CACNA1C: variants seen among roughly 807,000 people sequenced by gnomAD.
The protein encoded by CACNA1C is voltage-dependent L-type calcium channel subunit alpha-1C.
CACNA1C carries 30 observed loss-of-function variants against 229.0 expected under a neutral mutation model. That is an observed-to-expected ratio of 0.13 (90% CI 0.10 to 0.18). The LOEUF (loss-of-function observed/expected upper bound fraction) is 0.18, where lower values mean the gene tolerates loss of function less well. CACNA1C is among the 10% of genes least tolerant of loss of function. CACNA1C has a pLI of 1.00. For missense variants in CACNA1C, 1,658 were observed against 2,845.0 expected, an observed-to-expected ratio of 0.58 and a Z score of 9.49; for synonymous variants, 1,114 against 1,132.5, an observed-to-expected ratio of 0.98 and a Z score of 0.33.
chr12:2,206,232 G>A (rs1243613522), intron 3 of CACNA1C, among the ~76,000 whole-genome samples: 2 of 152,166 alleles, frequency 1.3e-5, no homozygotes, highest in African/African-American at 4.8e-5. Flanking sequence ...GCCCTTGGAA[G>A]GAGATCCAGA....
chr12:2,335,693 C>T (rs1256247993), intron 3 of CACNA1C, among the ~76,000 whole-genome samples: 2 of 152,204 alleles, frequency 1.3e-5, no homozygotes, highest in African/African-American at 2.4e-5. Context: ...TGCTTCCTCC[C>T]TGCACATCTG....
intron 39 of CACNA1C, chr12:2,676,222 G>A (rs1480837377): frequency 6.6e-6 from 1 of 152,228 alleles, no homozygotes; most frequent in Non-Finnish European, 1.5e-5. Flanking sequence ...CTGGACAGGG[G>A]ACCCTGGGTT....
intron 3 of CACNA1C, among the ~76,000 whole-genome samples, chr12:2,297,190 G>A (rs1566931664): frequency 6.6e-6 from 1 of 152,208 alleles, no homozygotes; most frequent in Non-Finnish European, 1.5e-5. Context: ...CCACATTCCT[G>A]GTGTCATCAA....
chr12:2,198,703 G>C (rs79311680), intron 3 of CACNA1C, among the ~76,000 whole-genome samples: 12,542 of 152,164 alleles, frequency 0.082, 557 homozygotes, highest in Middle Eastern at 0.11. Flanking sequence ...GGGAGGGAGA[G>C]ACAGGGGGTT....
intron 5 of CACNA1C, among the ~76,000 whole-genome samples, chr12:2,478,706 G>C (rs1385346228): frequency 6.6e-6 from 1 of 152,142 alleles, no homozygotes; most frequent in Admixed American, 6.5e-5. Context: ...GTCAATAGTT[G>C]GTACAAGGAC....
chr12:2,224,371 C>T (rs2062317766), intron 3 of CACNA1C, among the ~76,000 whole-genome samples: 1 of 152,198 alleles, frequency 6.6e-6, no homozygotes, highest in African/African-American at 2.4e-5. Context: ...CTGCTAATCC[C>T]CCTGGCGGAG....
chr12:2,256,628 C>G (rs983588525), intron 3 of CACNA1C, among the ~76,000 whole-genome samples: 1 of 152,112 alleles, frequency 6.6e-6, no homozygotes, highest in Non-Finnish European at 1.5e-5. Flanking sequence ...AGAGCCAGGA[C>G]GTAAAGCAGA....
chr12:2,565,331 G>T (rs957426338), intron 11 of CACNA1C, among the ~76,000 whole-genome samples: 1 of 151,846 alleles, frequency 6.6e-6, no homozygotes, highest in Non-Finnish European at 1.5e-5. Context: ...GCCGGGCGCG[G>T]TGGCGGGCGC....
chr12:2,475,817 C>T (rs1012152614), intron 5 of CACNA1C, among the ~76,000 whole-genome samples: 7 of 152,018 alleles, frequency 4.6e-5, no homozygotes, highest in African/African-American at 1.7e-4. Context: ...TACATATTAA[C>T]TTGTTATGGA....
At chr12:2,517,878 A>G (rs2099800605) in intron 9 of CACNA1C, among the ~76,000 whole-genome samples, 1 of 152,256 alleles carries the variant, frequency 6.6e-6, no homozygotes, top group Admixed American at 6.5e-5. Flanking sequence ...GAAAAAACAC[A>G]TCTATTAAAT....
chr12:2,055,738 A>G (rs1387292930), intron 1 of CACNA1C, among the ~76,000 whole-genome samples: 1 of 152,200 alleles, frequency 6.6e-6, no homozygotes, highest in Non-Finnish European at 1.5e-5. Context: ...TGCAGTGATT[A>G]TATAATTCAT....
chr12:2,359,814 A>T (rs2097504980), intron 3 of CACNA1C, among the ~76,000 whole-genome samples: 1 of 152,060 alleles, frequency 6.6e-6, no homozygotes, highest in African/African-American at 2.4e-5. Flanking sequence ...GGAAGAAAAG[A>T]CACTTAAAGT....
chr12:2,167,113 A>G (rs1042705440), intron 3 of CACNA1C, among the ~76,000 whole-genome samples: 3 of 152,248 alleles, frequency 2.0e-5, no homozygotes, highest in Non-Finnish European at 4.4e-5. Context: ...TTGATGTTAT[A>G]GATAAAAATG....
In CACNA1C at chr12:2,665,007, C is replaced by T. The variant is rs1198908278; in HGVS notation, c.4398+17C>T. On this transcript the variant is annotated intron_variant, in intron 35 of 46. Transcript: ENST00000399655. This position sits in a 1 kb window ranked among gnomAD's most constrained non-coding sequence, Gnocchi z 5.9. ...GCCTTCCTGGTAAGCCAAGGGGGAA[C>T]TCAACAGCCAGCAGCCATGACTGCC... is the stretch of plus-strand genomic sequence containing the variant. 6.8e-6 allele frequency: 11 copies of T among 1,613,516 alleles called. No homozygotes were observed. Among genetic ancestry groups the T allele is most frequent in the Non-Finnish European group, 9.3e-6 (11 of 1,179,786 alleles).
intron 9 of CACNA1C, among the ~76,000 whole-genome samples, chr12:2,527,336 C>T (rs1328772896): frequency 3.3e-5 from 5 of 152,202 alleles, no homozygotes; most frequent in African/African-American, 1.2e-4. Context: ...GTGTCTTTTG[C>T]TTGAAGTAAT....
intron 9 of CACNA1C, among the ~76,000 whole-genome samples, chr12:2,519,565 C>T (rs1315200072): frequency 3.9e-5 from 6 of 152,220 alleles, no homozygotes; most frequent in Non-Finnish European, 5.9e-5. Context: ...CACAGAGCCC[C>T]CCATACGTGT....
chr12:2,623,477 T>G (rs776460518), intron 29 of CACNA1C, among the ~76,000 whole-genome samples: 10 of 152,170 alleles, frequency 6.6e-5, no homozygotes, highest in Non-Finnish European at 1.3e-4. Context: ...ACACCTCTAG[T>G]GCTGCATCCT....
At chr12:2,115,174 C>T in intron 1 of CACNA1C, 50 bp from the exon 2 acceptor site, 1 of 1,350,274 alleles carries the variant, frequency 7.4e-7, no homozygotes, top group Non-Finnish European at 1.0e-6. Context: ...GTCGGAAGTG[C>T]CCCTGTTTTC....
In CACNA1C at chr12:2,608,593, A is replaced by G. The variant is rs1421658310; in HGVS notation, c.3439A>G (p.Ile1147Val). The G allele has an allele frequency of 6.2e-7, 1 of 1,612,746 alleles. No individual in the cohort carries two copies. The highest frequency in any genetic ancestry group is 2.2e-5 in the East Asian group (1 of 44,838). ...CCGTGTGGAGATCTCCATCTTCTTC[A>G]TCATCTACATCATCATCATCGCCTT... is the stretch of plus-strand genomic sequence containing the variant. Reference protein sequence around the residue: ...NYRVEISIFFIIYIIIIAFFM... With the variant: ...NYRVEISIFFVIYIIIIAFFM... Residue 1147 changes from isoleucine to valine, a missense_variant, in exon 27 of 47, where the codon ATC becomes GTC. Transcript: ENST00000399655. The surrounding 1 kb of genome is among the most constrained non-coding windows in gnomAD (Gnocchi z 4.2).
Sources: allele counts gnomAD v4.1 joint callset (sites outside exome capture counted in the v4.1 genomes callset), GRCh38; gene constraint gnomAD v4.1.1; non-coding constraint Gnocchi (gnomAD v3.1); transcripts MANE v1.5; gene names NCBI Gene and HGNC (gene_info 2026-07-23, HGNC 2026-07-21).